Variants in LRBA observed in about 807,000 individuals in gnomAD.
LRBA encodes lipopolysaccharide-responsive and beige-like anchor protein.
In LRBA, 176 loss-of-function variants were observed where a neutral mutation model predicts 330.0. The ratio of observed to expected loss-of-function variants is 0.53; its 90% CI spans 0.47 to 0.60. The LOEUF (loss-of-function observed/expected upper bound fraction) is 0.60. LRBA is among the 20% of genes least tolerant of loss of function. LRBA has a pLI of 0.00. For synonymous variants in LRBA, 1,230 were observed against 1,193.0 expected (o/e 1.03, Z -0.64); for missense variants, 3,259 against 3,444.8 (o/e 0.95, Z 1.35).
chr4:150,846,164 T>C (rs1749810082), intron 26 of LRBA, among the ~76,000 whole-genome samples: 1 of 152,122 alleles, frequency 6.6e-6, no homozygotes, highest in Admixed American at 6.6e-5. Flanking sequence ...GAGAGACAAA[T>C]ATTGTATGTT....
chr4:150,335,802 T>C (rs1231832619), intron 48 of LRBA, among the ~76,000 whole-genome samples: 2 of 152,108 alleles, frequency 1.3e-5, no homozygotes, highest in East Asian at 3.9e-4. Flanking sequence ...GTGCAAGCGA[T>C]CCTCCCACCT....
intron 34 of LRBA, among the ~76,000 whole-genome samples, chr4:150,778,762 T>C (rs189892637): frequency 1.4e-3 from 211 of 152,324 alleles, no homozygotes; most frequent in African/African-American, 4.8e-3. Flanking sequence ...ATGTGTCCTA[T>C]TAGTACACGG....
intron 40 of LRBA, among the ~76,000 whole-genome samples, chr4:150,502,271 G>A (rs901084767): frequency 6.6e-6 from 1 of 152,166 alleles, no homozygotes; most frequent in African/African-American, 2.4e-5. Flanking sequence ...CCACAGAAGT[G>A]GGGGAAAGTT....
intron 33 of LRBA, among the ~76,000 whole-genome samples, chr4:150,805,661 A>G (rs1560843249): frequency 1.3e-5 from 2 of 150,536 alleles, no homozygotes; most frequent in Middle Eastern, 3.5e-3. Context: ...AGGAAGGGAG[A>G]AGGAAAGGAA....
At chr4:150,772,739 C>T (rs1736753792) in intron 34 of LRBA, among the ~76,000 whole-genome samples, 1 of 152,160 alleles carries the variant, frequency 6.6e-6, no homozygotes, top group Non-Finnish European at 1.5e-5. Context: ...TCCCCATCTG[C>T]CACTGACACT....
intron 50 of LRBA, among the ~76,000 whole-genome samples, chr4:150,316,160 T>C (rs1466510046): frequency 6.6e-6 from 1 of 152,158 alleles, no homozygotes; most frequent in Non-Finnish European, 1.5e-5. Flanking sequence ...CAGATAAATG[T>C]TTTAGTTAAA....
At chr4:150,657,368 AT>A (rs1311363481) in intron 37 of LRBA, among the ~76,000 whole-genome samples, 2 of 152,152 alleles carry the variant, frequency 1.3e-5, no homozygotes, top group East Asian at 3.8e-4. Context: ...AGGGGTTACC[AT>A]TTTAATATCA....
chr4:150,533,145 C>T (rs972317789), intron 40 of LRBA, among the ~76,000 whole-genome samples: 5 of 152,038 alleles, frequency 3.3e-5, no homozygotes, highest in African/African-American at 7.2e-5. Context: ...TTTGAGCACC[C>T]GAACTCTACT....
intron 37 of LRBA, among the ~76,000 whole-genome samples, chr4:150,646,746 T>C (rs140208494): frequency 6.6e-6 from 1 of 152,104 alleles, no homozygotes; most frequent in African/African-American, 2.4e-5. Flanking sequence ...CACTATAGGT[T>C]GCACATACCA....
intron 37 of LRBA, among the ~76,000 whole-genome samples, chr4:150,604,284 G>T (rs1342659640): frequency 6.6e-6 from 1 of 151,798 alleles, no homozygotes; most frequent in East Asian, 1.9e-4. Context: ...CATGTCTGTA[G>T]TTCTAGCTTC....
At chr4:151,006,584 T>A (rs751729963) in intron 2 of LRBA, among the ~76,000 whole-genome samples, 1 of 152,048 alleles carries the variant, frequency 6.6e-6, no homozygotes, top group South Asian at 2.1e-4. Flanking sequence ...TTCAAGAATA[T>A]GTGTGTGAAA....
Position 150,755,091 on chromosome 4 carries a change from T to C in LRBA, c.5645+6692A>G, listed in dbSNP as rs1272816666. 2.0e-5 allele frequency among the ~76,000 whole-genome samples: 3 copies of C among 152,188 alleles called. No homozygotes were observed. The East Asian group carries it at 5.8e-4, about 29-fold the overall frequency. On this transcript the variant is annotated intron_variant, in intron 35 of 56. Transcript: ENST00000651943. ...CTCCCTTTTCCCTCTCCACCTTTCC[T>C]TCTAGTCATTCTTCTTCTCATTCCA...
In LRBA at chr4:150,293,765, G is replaced by A. The variant is rs564590677; in HGVS notation, c.8018-7731C>T. Among the ~76,000 whole-genome samples, 136 of 152,122 alleles carry A rather than the reference G, an allele frequency of 8.9e-4. 1 individual carries two copies. Among genetic ancestry groups the A allele is most frequent in the Non-Finnish European group, 3.5e-4 (24 of 68,008 alleles). On this transcript the variant is annotated intron_variant, in intron 53 of 56. Coordinates refer to ENST00000651943, the MANE Select transcript of LRBA (RefSeq NM_001364905.1). ...GAACTGTATGGGTCTACTCATTTGT[G>A]GATTTTCTTCTGCCTCTGCCATTGA... is the stretch of plus-strand genomic sequence containing the variant.
At chr4:150,897,714 T>C in intron 15 of LRBA, 25 bp downstream of exon 15, 3 of 1,525,862 alleles carry the variant, frequency 2.0e-6, no homozygotes, top group Non-Finnish European at 2.7e-6. Flanking sequence ...CACGGTATGC[T>C]ATGGAATAAG....
chr4:150,512,807 C>T (rs1761969956), intron 40 of LRBA, among the ~76,000 whole-genome samples: 2 of 151,158 alleles, frequency 1.3e-5, no homozygotes, highest in Admixed American at 6.6e-5. Flanking sequence ...AACACCTTCA[C>T]CTCCCCCCAA....
chr4:150,804,143 T>C (rs1742196101), intron 33 of LRBA, among the ~76,000 whole-genome samples: 2 of 152,176 alleles, frequency 1.3e-5, no homozygotes, highest in Non-Finnish European at 1.5e-5. Context: ...ATTCAATTTT[T>C]TTCCAATTAT....
rs554924446 is a variant in LRBA at position 150,716,162 on chromosome 4, A to G, written c.5754+19096T>C. ...TATTAGTGACAACATAAAAATTGCT[A>G]ATTGGGCTGGGCGCAGTGGCTCATG... On this transcript the variant is annotated intron_variant, in intron 36 of 56. Coordinates refer to ENST00000651943, the MANE Select transcript of LRBA (RefSeq NM_001364905.1). Among the ~76,000 whole-genome samples the G allele has an allele frequency of 7.9e-5, 12 of 152,264 alleles. No homozygotes were observed. The East Asian group carries it at 2.1e-3, about 27-fold the overall frequency.
chr4:150,389,329 G>C (rs997113736), intron 47 of LRBA, among the ~76,000 whole-genome samples: 8 of 151,834 alleles, frequency 5.3e-5, no homozygotes, highest in African/African-American at 1.9e-4. Flanking sequence ...ACTCCAGCCT[G>C]AACAACAGAG....
At chr4:150,880,089 C>T (rs1728196408) in intron 17 of LRBA, among the ~76,000 whole-genome samples, 1 of 152,166 alleles carries the variant, frequency 6.6e-6, no homozygotes, top group African/African-American at 2.4e-5. Context: ...GAAACAAAGC[C>T]ACCTACCTAC....
Sources: allele counts gnomAD v4.1 joint callset (sites outside exome capture counted in the v4.1 genomes callset), GRCh38; gene constraint gnomAD v4.1.1; transcripts MANE v1.5; gene names NCBI Gene and HGNC (gene_info 2026-07-23, HGNC 2026-07-21).